CBR4: variants seen among roughly 807,000 people sequenced by gnomAD.
CBR4 encodes the protein 3-oxoacyl-[acyl-carrier-protein] reductase.
In CBR4, 22 loss-of-function variants were observed where a neutral mutation model predicts 21.0. The ratio of observed to expected loss-of-function variants is 1.05; its 90% CI spans 0.75 to 1.50. The LOEUF (loss-of-function observed/expected upper bound fraction) is 1.50. CBR4 is among the 40% of genes most tolerant of loss of function. CBR4 has a pLI of 0.00. For missense variants in CBR4, 302 were observed against 286.3 expected, an observed-to-expected ratio of 1.05 and a Z score of -0.40; for synonymous variants, 100 against 104.4, an observed-to-expected ratio of 0.96 and a Z score of 0.26.
At chr4:169,008,704 A>G (rs865964249) in intron 1 of CBR4, among the ~76,000 whole-genome samples, 47 of 152,280 alleles carry the variant, frequency 3.1e-4, no homozygotes, top group African/African-American at 1.1e-3. Context: ...TGAAAGCCCA[A>G]CTAATGGCTT....
chr4:168,915,417 G>A (rs1759899135), intron 2 of CBR4, among the ~76,000 whole-genome samples: 1 of 152,104 alleles, frequency 6.6e-6, no homozygotes, highest in Non-Finnish European at 1.5e-5. Flanking sequence ...TAATGCAAAA[G>A]AAAACTTGCC....
At chr4:168,905,026 T>C (rs1248115276) in intron 2 of CBR4, among the ~76,000 whole-genome samples, 4 of 151,866 alleles carry the variant, frequency 2.6e-5, no homozygotes, top group African/African-American at 9.7e-5. Context: ...ACTCAGGAGG[T>C]TGAAGCATGA....
At chr4:168,991,153 A>C (rs1352758241) in intron 4 of CBR4, among the ~76,000 whole-genome samples, 1 of 152,202 alleles carries the variant, frequency 6.6e-6, no homozygotes, top group African/African-American at 2.4e-5. Flanking sequence ...TTGGACACTA[A>C]AATATCTGAC....
chr4:168,906,602 T>C (rs972743073), intron 2 of CBR4, among the ~76,000 whole-genome samples: 11 of 152,184 alleles, frequency 7.2e-5, no homozygotes, highest in African/African-American at 2.7e-4. Context: ...AATTATAATT[T>C]ATCAATTAGA....
chr4:168,911,430 G>A (rs896113680), intron 2 of CBR4, among the ~76,000 whole-genome samples: 4 of 152,278 alleles, frequency 2.6e-5, no homozygotes, highest in South Asian at 4.1e-4. Context: ...CATGGAAGCC[G>A]CAAAGCACAT....
chr4:168,899,186 G>C (rs563401649), intron 2 of CBR4, among the ~76,000 whole-genome samples: 1 of 152,182 alleles, frequency 6.6e-6, no homozygotes, highest in Non-Finnish European at 1.5e-5. Context: ...AGGGAGGTGG[G>C]GTGAAGAATA....
At chr4:168,944,295 T>G (rs1421243809) in intron 2 of CBR4, among the ~76,000 whole-genome samples, 2 of 151,114 alleles carry the variant, frequency 1.3e-5, no homozygotes, top group East Asian at 3.9e-4. Context: ...AATAAAGAAA[T>G]AAATAAAATA....
chr4:168,969,130 A>G (rs1424027462), intron 2 of CBR4, among the ~76,000 whole-genome samples: 1 of 152,170 alleles, frequency 6.6e-6, no homozygotes, highest in East Asian at 1.9e-4. Flanking sequence ...TCTTTGAAAC[A>G]CCTGGTTAGA....
intron 2 of CBR4, among the ~76,000 whole-genome samples, chr4:168,960,149 T>A (rs1763804335): frequency 6.6e-6 from 1 of 152,226 alleles, no homozygotes; most frequent in African/African-American, 2.4e-5. Flanking sequence ...TTTGCTGCCA[T>A]TCAAGAAGCA....
intron 2 of CBR4, among the ~76,000 whole-genome samples, chr4:168,894,954 A>C (rs10020879): frequency 6.6e-6 from 1 of 152,144 alleles, no homozygotes; most frequent in East Asian, 1.9e-4. Flanking sequence ...TCCTATCCTA[A>C]GTTTTATGCA....
intron 2 of CBR4, among the ~76,000 whole-genome samples, chr4:168,918,199 AAAAAG>A (rs1339443890): frequency 1.3e-5 from 2 of 151,944 alleles, no homozygotes; most frequent in African/African-American, 2.4e-5. Flanking sequence ...ACAAAAAAAA[AAAAAG>A]AAAAGAAAAT....
chr4:169,010,019 C>A lies in CBR4; in HGVS notation c.71G>T (p.Arg24Leu). The change falls in exon 1 of 5, where the codon CGG becomes CTG. Residue 24 changes from arginine (R) to leucine (L), a missense_variant. By Grantham distance (102) the Arg-to-Leu change is moderately radical (BLOSUM62 -2). Transcript: ENST00000306193. The stretch of plus-strand genomic sequence containing the variant: ...AATGACCGCCAGTCGGTAGCCTTTC[C>A]GGGCCATTAACTGGGCCACAGCTCT... Reference protein sequence around the residue: ...IGRAVAQLMARKGYRLAVIAR... With the variant: ...IGRAVAQLMALKGYRLAVIAR... 1 of 1,613,856 alleles carries A rather than the reference C, an allele frequency of 6.2e-7. No homozygotes were observed. The highest frequency in any genetic ancestry group is 1.1e-5 in the South Asian group (1 of 91,010).
intron 2 of CBR4, chr4:168,924,833 T>TA: frequency 9.5e-7 from 1 of 1,050,616 alleles, no homozygotes; most frequent in South Asian, 1.3e-5. Flanking sequence ...ATGACCCTAT[T>TA]ATCAGCTACT....
chr4:168,915,510 T>C (rs1347553099), intron 2 of CBR4, among the ~76,000 whole-genome samples: 1 of 152,236 alleles, frequency 6.6e-6, no homozygotes, highest in East Asian at 1.9e-4. Flanking sequence ...AACTTTTAAT[T>C]TCCTACAAAT....
intron 2 of CBR4, among the ~76,000 whole-genome samples, chr4:168,962,002 G>T (rs578137302): frequency 1.5e-4 from 20 of 132,722 alleles, no homozygotes; most frequent in Non-Finnish European, 2.8e-4. Flanking sequence ...GGAAAGGAAA[G>T]GAGAGGAGGA....
At chr4:168,909,273 CAA>C (rs1289738725) in intron 2 of CBR4, among the ~76,000 whole-genome samples, 1 of 152,172 alleles carries the variant, frequency 6.6e-6, no homozygotes, top group African/African-American at 2.4e-5. Flanking sequence ...GATGTTTCCT[CAA>C]ACTGCATTAT....
At chr4:168,992,129 TCA>T (rs147277854) in intron 4 of CBR4, among the ~76,000 whole-genome samples, 109 of 152,350 alleles carry the variant, frequency 7.2e-4, no homozygotes, top group African/African-American at 2.5e-3. Context: ...TGAAAAATAT[TCA>T]CAGATTTGTC....
In CBR4 at chr4:168,924,280, G is replaced by A; in HGVS notation, n.170-29515C>T. Reference sequence around the variant, plus strand: ...CTAAAGAAGCACACAAACCCCCTGTGTTTATTGAGAAGCTCCAAAACACAG... The same window carrying A: ...CTAAAGAAGCACACAAACCCCCTGTATTTATTGAGAAGCTCCAAAACACAG... On this transcript the variant is annotated intron_variant and non_coding_transcript_variant, in intron 2 of 3. Transcript: ENST00000509108. 1 of 1,614,006 alleles carries A rather than the reference G, an allele frequency of 6.2e-7. No homozygotes were observed. The highest frequency in any genetic ancestry group is 8.5e-7 in the Non-Finnish European group (1 of 1,179,930).
At chr4:168,948,353 T>C (rs1211441580) in intron 2 of CBR4, among the ~76,000 whole-genome samples, 2 of 152,224 alleles carry the variant, frequency 1.3e-5, no homozygotes, top group Non-Finnish European at 1.5e-5. Context: ...CTTTTTGCCA[T>C]GCAAAAACTC....
Sources: allele counts gnomAD v4.1 joint callset (sites outside exome capture counted in the v4.1 genomes callset), GRCh38; gene constraint gnomAD v4.1.1; transcripts MANE v1.5; gene names NCBI Gene and HGNC (gene_info 2026-07-23, HGNC 2026-07-21).